Variants in NKAIN2 observed in about 807,000 individuals in gnomAD.
The protein encoded by NKAIN2 is sodium/potassium-transporting ATPase subunit beta-1-interacting protein 2.
A neutral mutation model predicts 32.6 loss-of-function variants in NKAIN2; 14 were observed. The observed-to-expected ratio is 0.43, with a 90% CI of 0.28 to 0.67. The LOEUF is 0.67. Among genes scored for constraint, NKAIN2 ranks in the 30% least tolerant of loss-of-function variants. NKAIN2 has a pLI of 0.17. For synonymous variants in NKAIN2, 80 were observed against 87.2 expected, an observed-to-expected ratio of 0.92 and a Z score of 0.46; for missense variants, 198 against 258.3, an observed-to-expected ratio of 0.77 and a Z score of 1.60.
chr6:124,738,402 G>A (rs1777052502), intron 4 of NKAIN2, among the ~76,000 whole-genome samples: 1 of 151,786 alleles, frequency 6.6e-6, no homozygotes, highest in South Asian at 2.1e-4. Flanking sequence ...ATAATGTATA[G>A]CTTTTTAAAT....
chr6:124,605,064 G>T (rs963825089), intron 3 of NKAIN2, among the ~76,000 whole-genome samples: 9 of 152,130 alleles, frequency 5.9e-5, no homozygotes, highest in South Asian at 2.1e-4. Flanking sequence ...ACCCTTTCAT[G>T]ATATAAATGA....
At chr6:124,375,290 T>C (rs1346141683) in intron 3 of NKAIN2, among the ~76,000 whole-genome samples, 1 of 151,532 alleles carries the variant, frequency 6.6e-6, no homozygotes, top group African/African-American at 2.4e-5. Context: ...TTTACACTTG[T>C]TTACTTGTGG....
chr6:124,173,477 T>C (rs1582790225), intron 1 of NKAIN2, among the ~76,000 whole-genome samples: 1 of 152,074 alleles, frequency 6.6e-6, no homozygotes, highest in African/African-American at 2.4e-5. Flanking sequence ...TCCTCAAAGA[T>C]TGAGCCTTAA....
At chr6:123,830,449 CT>C (rs1305224042) in intron 1 of NKAIN2, among the ~76,000 whole-genome samples, 3 of 152,188 alleles carry the variant, frequency 2.0e-5, no homozygotes, top group Admixed American at 1.3e-4. Flanking sequence ...AAATTTCCCC[CT>C]GTTTGAGCCT....
intron 3 of NKAIN2, among the ~76,000 whole-genome samples, chr6:124,610,362 G>A (rs1358357683): frequency 6.6e-6 from 1 of 152,128 alleles, no homozygotes; most frequent in Admixed American, 6.5e-5. Context: ...GGATGTGCAT[G>A]GGAGTTTATC....
At chr6:124,714,959 C>G (rs961368032) in intron 4 of NKAIN2, among the ~76,000 whole-genome samples, 2 of 152,108 alleles carry the variant, frequency 1.3e-5, no homozygotes, top group Non-Finnish European at 2.9e-5. Context: ...GTCAGAGGAG[C>G]CTTGCCAGCT....
chr6:123,994,847 G>A (rs1779552449), intron 1 of NKAIN2, among the ~76,000 whole-genome samples: 1 of 152,232 alleles, frequency 6.6e-6, no homozygotes, highest in African/African-American at 2.4e-5. Context: ...TAAAAGCAGT[G>A]AATTGCAGTA....
chr6:123,863,458 C>T (rs938573698), intron 1 of NKAIN2, among the ~76,000 whole-genome samples: 3 of 152,130 alleles, frequency 2.0e-5, no homozygotes, highest in South Asian at 2.1e-4. Context: ...TTTATGCCAG[C>T]AAATTAGATA....
At chr6:124,013,020 G>A (rs199867142) in intron 1 of NKAIN2, among the ~76,000 whole-genome samples, 1 of 151,990 alleles carries the variant, frequency 6.6e-6, no homozygotes, top group East Asian at 1.9e-4. Flanking sequence ...CTTAATTTTA[G>A]CCATTTAATA....
At chr6:124,229,541 C>CA (rs1792332754) in intron 1 of NKAIN2, among the ~76,000 whole-genome samples, 1 of 137,944 alleles carries the variant, frequency 7.2e-6, no homozygotes, top group African/African-American at 2.8e-5. Context: ...GATAGACAGA[C>CA]AGACAGACAG....
chr6:124,194,827 G>A (rs1156728653), intron 1 of NKAIN2, among the ~76,000 whole-genome samples: 2 of 152,124 alleles, frequency 1.3e-5, no homozygotes, highest in African/African-American at 2.4e-5. Flanking sequence ...AAGCTGTCAT[G>A]CCATGGACTG....
chr6:124,389,294 C>T lies in NKAIN2; in HGVS notation c.273+33947C>T, dbSNP rs550145517. ...CTTTTTCTAACTGCCCTGTCTCCCA[C>T]AGGGCTTCCTTTCTTCCTATTAAAT... On this transcript the variant is annotated intron_variant, in intron 3 of 6. Coordinates refer to ENST00000368417, the MANE Select transcript of NKAIN2 (RefSeq NM_001040214.3). Among the ~76,000 whole-genome samples the T allele has an allele frequency of 2.6e-5, 4 of 152,218 alleles. No individual in the cohort carries two copies. The South Asian group carries it at 8.3e-4, about 32-fold the overall frequency.
At chr6:124,492,820 A>T (rs1777916300) in intron 3 of NKAIN2, among the ~76,000 whole-genome samples, 1 of 152,048 alleles carries the variant, frequency 6.6e-6, no homozygotes, top group South Asian at 2.1e-4. Context: ...TTCGAAGATT[A>T]ACTCAGATAA....
intron 1 of NKAIN2, among the ~76,000 whole-genome samples, chr6:124,050,641 G>A (rs1245420104): frequency 6.6e-6 from 1 of 151,930 alleles, no homozygotes; most frequent in Non-Finnish European, 1.5e-5. Context: ...CTACAGTACG[G>A]TCAGTTTGTG....
At chr6:124,640,060 A>T (rs1004398951) in intron 3 of NKAIN2, among the ~76,000 whole-genome samples, 1 of 152,216 alleles carries the variant, frequency 6.6e-6, no homozygotes, top group Non-Finnish European at 1.5e-5. Context: ...GAATCAAAAT[A>T]TCACTCTGTA....
chr6:124,059,897 T>C (rs2114852941), intron 1 of NKAIN2, among the ~76,000 whole-genome samples: 2 of 152,310 alleles, frequency 1.3e-5, no homozygotes, highest in Non-Finnish European at 2.9e-5. Context: ...TGTCATGGTG[T>C]TCATTATTTT....
At chr6:124,048,753 C>T (rs1332821177) in intron 1 of NKAIN2, among the ~76,000 whole-genome samples, 2 of 151,920 alleles carry the variant, frequency 1.3e-5, no homozygotes, top group Non-Finnish European at 2.9e-5. Context: ...GGAAATTTCA[C>T]CTGTCAACAG....
At chr6:124,525,138 A>G (rs1779263442) in intron 3 of NKAIN2, among the ~76,000 whole-genome samples, 1 of 152,116 alleles carries the variant, frequency 6.6e-6, no homozygotes, top group South Asian at 2.1e-4. Context: ...GCTTAGGGAG[A>G]GATAGGAAAA....
At chr6:124,069,419 A>G (rs1173022162) in intron 1 of NKAIN2, among the ~76,000 whole-genome samples, 1 of 152,160 alleles carries the variant, frequency 6.6e-6, no homozygotes, top group Non-Finnish European at 1.5e-5. Flanking sequence ...GCAGCCGGCC[A>G]GTGAGTCTGG....
Sources: allele counts gnomAD v4.1 joint callset (sites outside exome capture counted in the v4.1 genomes callset), GRCh38; gene constraint gnomAD v4.1.1; transcripts MANE v1.5; gene names NCBI Gene and HGNC (gene_info 2026-07-23, HGNC 2026-07-21).